Variants in IQCH observed in about 807,000 individuals in gnomAD.
IQCH encodes IQ domain-containing protein H.
In IQCH, 98 loss-of-function variants were observed where a neutral mutation model predicts 117.0. That is an observed-to-expected ratio of 0.84 (90% CI 0.71 to 0.99). The LOEUF (loss-of-function observed/expected upper bound fraction) is 0.99. Ranked by LOEUF, IQCH falls within the 50% of genes least tolerant of loss-of-function variation. IQCH has a pLI of 0.00. For missense variants in IQCH, 1,102 were observed against 1,243.8 expected, an observed-to-expected ratio of 0.89 and a Z score of 1.72; for synonymous variants, 412 against 448.2, an observed-to-expected ratio of 0.92 and a Z score of 1.02.
At chr15:67,372,011 C>A in intron 8 of IQCH, 100 bp from the exon 9 acceptor site, 3 of 1,020,026 alleles carry the variant, frequency 2.9e-6, no homozygotes, top group Non-Finnish European at 2.8e-6. Context: ...ATCTTCCCAC[C>A]ATTGAATGCT....
chr15:67,291,615 G>C (rs1966754512), intron 4 of IQCH, among the ~76,000 whole-genome samples: 1 of 152,250 alleles, frequency 6.6e-6, no homozygotes, highest in Admixed American at 6.5e-5. Flanking sequence ...AAGTTTTGAG[G>C]ATTTTTGACA....
chr15:67,412,695 G>A (rs1013647408), intron 14 of IQCH, among the ~76,000 whole-genome samples: 7 of 152,072 alleles, frequency 4.6e-5, no homozygotes, highest in Non-Finnish European at 8.8e-5. Flanking sequence ...CACCGCGCCC[G>A]GCCTCATTTC....
In IQCH at chr15:67,371,216, G is replaced by T. The variant is rs143569376; in HGVS notation, c.754-895G>T. Reference sequence around the variant, plus strand: ...CCCTCCAAGCCATCAGGAACATTTAGATCTTGGGCAGAGTGTCTGTTTTCA... The same window carrying T: ...CCCTCCAAGCCATCAGGAACATTTATATCTTGGGCAGAGTGTCTGTTTTCA... On this transcript the variant is annotated intron_variant, in intron 8 of 20. Transcript: ENST00000335894. 8.1e-3 allele frequency among the ~76,000 whole-genome samples: 1,232 copies of T among 152,242 alleles called. 16 individuals are homozygous for T. The highest frequency in any genetic ancestry group is 0.027 in the African/African-American group (1,108 of 41,568).
At position 67,425,875 on chromosome 15, in the gene IQCH, G is replaced by T. The variant is rs2081875906; in HGVS notation, c.2505+4298G>T. Reference sequence around the variant, plus strand: ...CTCCACCTCTCATTTATGCCTGTAGGTCTGTATGTATTTATGTCAGTATGA... The same window carrying T: ...CTCCACCTCTCATTTATGCCTGTAGTTCTGTATGTATTTATGTCAGTATGA... On this transcript the variant is annotated intron_variant, in intron 16 of 20. Coordinates refer to ENST00000335894, the MANE Select transcript of IQCH (RefSeq NM_001031715.3). The surrounding 1 kb of genome is among the most constrained non-coding windows in gnomAD (Gnocchi z 5.5). 6.6e-6 allele frequency among the ~76,000 whole-genome samples: 1 copy of T among 152,122 alleles called. No individual in the cohort carries two copies. The highest frequency in any genetic ancestry group is 2.4e-5 in the African/African-American group (1 of 41,414).
chr15:67,382,784 T>C (rs1391869907), intron 10 of IQCH, among the ~76,000 whole-genome samples: 1 of 152,204 alleles, frequency 6.6e-6, no homozygotes, highest in Non-Finnish European at 1.5e-5. Flanking sequence ...GTGTTCCTAA[T>C]TGATACCCTT....
At chr15:67,255,189 A>AGT in intron 1 of IQCH, 2 of 574,458 alleles carry the variant, frequency 3.5e-6, no homozygotes, top group Non-Finnish European at 3.1e-6. Flanking sequence ...AAAACTCTAA[A>AGT]ACCGTTCACC....
chr15:67,363,220 A>T (rs1292406363), intron 8 of IQCH, among the ~76,000 whole-genome samples: 5 of 151,318 alleles, frequency 3.3e-5, no homozygotes, highest in Admixed American at 1.3e-4. Context: ...TCTTTTTTAA[A>T]AAACACAAAT....
intron 13 of IQCH, among the ~76,000 whole-genome samples, chr15:67,399,245 TCA>T (rs1326621192): frequency 1.3e-5 from 2 of 152,208 alleles, no homozygotes; most frequent in Non-Finnish European, 1.5e-5. Context: ...TAGCAGAACC[TCA>T]GTTTATTTAC....
intron 7 of IQCH, among the ~76,000 whole-genome samples, chr15:67,358,340 A>C (rs972276594): frequency 2.7e-5 from 4 of 148,664 alleles, no homozygotes; most frequent in African/African-American, 1.0e-4. Flanking sequence ...GATTACAGGG[A>C]TGTACCACCA....
chr15:67,442,805 TAAAG>T (rs1445129608), intron 16 of IQCH, among the ~76,000 whole-genome samples: 29 of 148,836 alleles, frequency 1.9e-4, no homozygotes, highest in South Asian at 4.3e-4. Flanking sequence ...AACAAGTGGA[TAAAG>T]AAACTGTGAG....
Position 67,475,608 on chromosome 15 carries a change from C to A in IQCH, c.2677-88C>A. The A allele has an allele frequency of 8.3e-7, 1 of 1,200,618 alleles. No homozygotes were observed. The highest frequency in any genetic ancestry group is 1.2e-6 in the Non-Finnish European group (1 of 843,488). The allele number at this position is 1,200,618 out of a possible 1,614,324, so 74.4% of individuals were successfully genotyped here. A position where few individuals can be genotyped will look rare whatever the true frequency, so the allele number is the denominator to read the frequency against. On this transcript the variant is annotated intron_variant, in intron 17 of 20. Transcript: ENST00000335894. This position sits in a 1 kb window ranked among gnomAD's most constrained non-coding sequence, Gnocchi z 5.7. ...GGGATATAGGAACTCTCAGAATTAT[C>A]TTCGCAATTTTCCTGTTAATCTCAA...
In IQCH at chr15:67,479,194, A is replaced by G. The variant is rs1479326727; in HGVS notation, c.2799+3376A>G. 6.6e-6 allele frequency among the ~76,000 whole-genome samples: 1 copy of G among 152,100 alleles called. No homozygotes were observed. Among genetic ancestry groups the G allele is most frequent in the Non-Finnish European group, 1.5e-5 (1 of 68,028 alleles). ...CTGCGTACTGGCCTCTGAGCTGAGC[A>G]CTTTACTTCATTATCTCATTTATTC... is the stretch of plus-strand genomic sequence containing the variant. On this transcript the variant is annotated intron_variant, in intron 18 of 20. Transcript: ENST00000335894. The surrounding 1 kb of genome is among the most constrained non-coding windows in gnomAD (Gnocchi z 4.6).
At position 67,376,937 on chromosome 15, in the gene IQCH, T is replaced by C. The variant is rs1355263424; in HGVS notation, c.1372+3504T>C. 6.6e-6 allele frequency among the ~76,000 whole-genome samples: 1 copy of C among 151,750 alleles called. No homozygotes were observed. Among genetic ancestry groups the C allele is most frequent in the African/African-American group, 2.4e-5 (1 of 41,300 alleles). On this transcript the variant is annotated intron_variant, in intron 10 of 20. Coordinates refer to ENST00000335894, the MANE Select transcript of IQCH (RefSeq NM_001031715.3). This position sits in a 1 kb window ranked among gnomAD's most constrained non-coding sequence, Gnocchi z 5.0. ...ATCGAGACCATCCTGGCCAACATGG[T>C]GAAACCCCGTCTCTACTAAAAATAC...
At chr15:67,358,207 CT>C (rs71142373) in intron 7 of IQCH, among the ~76,000 whole-genome samples, 2 of 10,450 alleles carry the variant, frequency 1.9e-4, no homozygotes, top group South Asian at 6.6e-3. Flanking sequence ...ACTTTCTTTT[CT>C]TTTTTTTTTT....
chr15:67,306,056 A>G (rs1224787834), intron 4 of IQCH, among the ~76,000 whole-genome samples: 1 of 152,142 alleles, frequency 6.6e-6, no homozygotes, highest in Non-Finnish European at 1.5e-5. Flanking sequence ...AAAATTGGAT[A>G]TACATTGTGT....
chr15:67,468,203 A>G (rs969874807), intron 17 of IQCH, among the ~76,000 whole-genome samples: 1 of 152,228 alleles, frequency 6.6e-6, no homozygotes, highest in Non-Finnish European at 1.5e-5. Context: ...TGGACCCTCC[A>G]TACCATGGTT....
At chr15:67,310,104 A>T (rs1355361725) in intron 4 of IQCH, among the ~76,000 whole-genome samples, 2 of 112,920 alleles carry the variant, frequency 1.8e-5, no homozygotes, top group Non-Finnish European at 4.0e-5. Flanking sequence ...GAGTAATAGG[A>T]TTTAATGTTC....
chr15:67,478,183 G>A (rs2083252134), intron 18 of IQCH, among the ~76,000 whole-genome samples: 1 of 151,964 alleles, frequency 6.6e-6, no homozygotes. Flanking sequence ...TCAGGAGTTC[G>A]AGTCCAGCCT....
intron 4 of IQCH, chr15:67,307,328 T>A: frequency 9.1e-6 from 2 of 219,394 alleles, no homozygotes; most frequent in Non-Finnish European, 1.5e-5. Context: ...CTTAGTTGGG[T>A]AGCAACCACA....
Sources: allele counts gnomAD v4.1 joint callset (sites outside exome capture counted in the v4.1 genomes callset), GRCh38; gene constraint gnomAD v4.1.1; non-coding constraint Gnocchi (gnomAD v3.1); transcripts MANE v1.5; gene names NCBI Gene and HGNC (gene_info 2026-07-23, HGNC 2026-07-21).